The following ANKRD13C variants were observed in gnomAD, a reference collection of about 807,000 sequenced individuals.
ANKRD13C encodes the protein ankyrin repeat domain 13C.
Under a neutral mutation model 65.5 loss-of-function variants are expected in ANKRD13C, and 16 were observed. The ratio of observed to expected loss-of-function variants is 0.24; its 90% CI spans 0.17 to 0.37. The LOEUF is 0.37. ANKRD13C is among the 10% of genes least tolerant of loss of function. The probability of loss-of-function intolerance (pLI) is 1.00; values close to 1 mark genes in which losing one functional copy is unlikely to be tolerated. For synonymous variants in ANKRD13C, 235 were observed against 238.7 expected, an observed-to-expected ratio of 0.98 and a Z score of 0.14; for missense variants, 503 against 655.9, an observed-to-expected ratio of 0.77 and a Z score of 2.55.
rs1241582199 is a variant in ANKRD13C, at chr1:70,325,026, A to G, written c.473-69T>C. The stretch of plus-strand genomic sequence containing the variant: ...TAGAATCTCTAAATATAAATATATA[A>G]AAGTTTAATAAACCAAATTAACATA... On this transcript the variant is annotated intron_variant, in intron 2 of 12. Transcript: ENST00000370944. 2.2e-5 allele frequency: 23 copies of G among 1,036,472 alleles called. No individual in the cohort carries two copies. The East Asian group carries it at 5.5e-4, about 25-fold the overall frequency. The allele number at this position is 1,036,472 out of a possible 1,614,324, so 64.2% of individuals were successfully genotyped here.
chr1:70,273,056 A>G (rs895487438), intron 11 of ANKRD13C, among the ~76,000 whole-genome samples: 1 of 151,920 alleles, frequency 6.6e-6, no homozygotes, highest in Non-Finnish European at 1.5e-5. Context: ...CATCGAGTCA[A>G]CTGGGTCCTA....
intron 9 of ANKRD13C, 173 bp downstream of exon 9, chr1:70,292,214 CA>C (rs1288936923): frequency 6.4e-6 from 3 of 467,386 alleles, no homozygotes; most frequent in Non-Finnish European, 1.1e-5. Flanking sequence ...TCCCAAAAGA[CA>C]TTTTTTTGTC....
chr1:70,318,773 C>T (rs1681180680), intron 3 of ANKRD13C, among the ~76,000 whole-genome samples: 1 of 146,074 alleles, frequency 6.8e-6, no homozygotes. Context: ...ACCTCTGCCT[C>T]TTGGGTTCAA....
In ANKRD13C at chr1:70,327,735, A is replaced by G. The variant is rs111452284; in HGVS notation, c.473-2778T>C. On this transcript the variant is annotated intron_variant, in intron 2 of 12. Coordinates refer to ENST00000370944, the MANE Select transcript of ANKRD13C (RefSeq NM_030816.5). ...GTATTTGGGGGTAAAATGTCATGAT[A>G]TCTACATTTAGTTTTCAAATGGTAT... 2.2e-3 allele frequency among the ~76,000 whole-genome samples: 336 copies of G among 152,292 alleles called. 6 individuals carry two copies. The highest frequency in any genetic ancestry group is 7.8e-3 in the African/African-American group (325 of 41,554).
At chr1:70,307,307 C>A (rs1223615477) in intron 5 of ANKRD13C, among the ~76,000 whole-genome samples, 1 of 152,098 alleles carries the variant, frequency 6.6e-6, no homozygotes, top group Non-Finnish European at 1.5e-5. Flanking sequence ...GAGGCCAAAG[C>A]GGATAAATCG....
At chr1:70,344,584 A>G (rs953386182) in intron 1 of ANKRD13C, among the ~76,000 whole-genome samples, 2 of 152,182 alleles carry the variant, frequency 1.3e-5, no homozygotes, top group African/African-American at 4.8e-5. Flanking sequence ...AATTTGCTCA[A>G]TAATCCTATG....
intron 5 of ANKRD13C, among the ~76,000 whole-genome samples, chr1:70,307,305 A>G (rs1460055996): frequency 6.6e-6 from 1 of 152,266 alleles, no homozygotes; most frequent in East Asian, 1.9e-4. Flanking sequence ...GAGAGGCCAA[A>G]GCGGATAAAT....
intron 1 of ANKRD13C, among the ~76,000 whole-genome samples, chr1:70,342,259 G>A (rs1682341042): frequency 1.3e-5 from 2 of 152,060 alleles, no homozygotes; most frequent in South Asian, 4.1e-4. Flanking sequence ...GAAGAGACAG[G>A]CCTGGAGCAG....
chr1:70,348,768 CATATTACAATGAAA>C (rs1279622324), intron 1 of ANKRD13C, among the ~76,000 whole-genome samples: 1 of 152,042 alleles, frequency 6.6e-6, no homozygotes, highest in African/African-American at 2.4e-5. Context: ...ACTTCAAGAA[CATATTACAATGAAA>C]ATATTACAAG....
intron 1 of ANKRD13C, among the ~76,000 whole-genome samples, chr1:70,347,078 C>T (rs1472220747): frequency 1.8e-5 from 2 of 112,172 alleles, no homozygotes; most frequent in African/African-American, 3.5e-5. Flanking sequence ...GGTGACAGAG[C>T]GAGGCTCCGT....
At chr1:70,329,591 C>T (rs1190369965) in intron 2 of ANKRD13C, among the ~76,000 whole-genome samples, 1 of 151,920 alleles carries the variant, frequency 6.6e-6, no homozygotes, top group Non-Finnish European at 1.5e-5. Flanking sequence ...ACAACAATAG[C>T]TAAAGGAATA....
intron 5 of ANKRD13C, among the ~76,000 whole-genome samples, chr1:70,308,302 A>T (rs755059379): frequency 6.6e-6 from 1 of 152,132 alleles, no homozygotes; most frequent in Admixed American, 6.5e-5. Flanking sequence ...AGCCAACATT[A>T]TATCTTTTGA....
In ANKRD13C at chr1:70,313,803, A is replaced by T; in HGVS notation, c.664-13T>A. The T allele has an allele frequency of 6.3e-7, 1 of 1,597,706 alleles. No individual in the cohort carries two copies. Among genetic ancestry groups the T allele is most frequent in the Non-Finnish European group, 8.6e-7 (1 of 1,165,792 alleles). ...AAAAGTCACCTAGCTGAAAAATGAA[A>T]TATGAATAATTACTAAATGCACCTT... is the stretch of plus-strand genomic sequence containing the variant. On this transcript the variant is annotated splice_polypyrimidine_tract_variant and intron_variant, in intron 4 of 12. Coordinates refer to ENST00000370944, the MANE Select transcript of ANKRD13C (RefSeq NM_030816.5).
At chr1:70,347,477 A>G (rs1294731608) in intron 1 of ANKRD13C, among the ~76,000 whole-genome samples, 1 of 152,236 alleles carries the variant, frequency 6.6e-6, no homozygotes, top group Non-Finnish European at 1.5e-5. Flanking sequence ...CAGGATGCCC[A>G]GGACCCAACA....
chr1:70,293,484 A>G, intron 8 of ANKRD13C: 2 of 897,198 alleles, frequency 2.2e-6, no homozygotes, highest in Middle Eastern at 5.7e-4. Context: ...AACCATAAGT[A>G]TTACTGACTC....
chr1:70,304,267 C>G (rs1159041967), intron 6 of ANKRD13C, among the ~76,000 whole-genome samples: 1 of 146,190 alleles, frequency 6.8e-6, no homozygotes, highest in East Asian at 1.9e-4. Context: ...GTGTTTTAAC[C>G]TTTTTGGTTT....
intron 7 of ANKRD13C, among the ~76,000 whole-genome samples, chr1:70,296,976 G>A (rs1680105290): frequency 6.6e-6 from 1 of 151,974 alleles, no homozygotes; most frequent in Admixed American, 6.6e-5. Flanking sequence ...TTTTATATGA[G>A]AAAAAAGGAA....
rs1182865045 is a variant in ANKRD13C, at chr1:70,353,993, T to C, written c.416A>G (p.Gln139Arg). 1 of 1,532,522 alleles carries C rather than the reference T, an allele frequency of 6.5e-7. No individual in the cohort carries two copies. Among genetic ancestry groups the C allele is most frequent in the Non-Finnish European group, 8.8e-7 (1 of 1,139,406 alleles). 94.9% of individuals were successfully genotyped at this position (1,532,522 alleles called of 1,614,324 possible). The stretch of plus-strand genomic sequence containing the variant: ...GCACTCCTCACCGTGATTATCTTTC[T>C]GCCCGATATTGTGCGTGCGGATGAG... ...SSLIRTHNIGQKDNHGNTPLH... is the reference protein window; with the variant it reads ...SSLIRTHNIGRKDNHGNTPLH... Residue 139 changes from glutamine (Q) to arginine (R), a missense_variant, in exon 1 of 13, where the codon CAG becomes CGG. Gln to Arg is a conservative substitution (Grantham distance 43). Transcript: ENST00000370944.
chr1:70,311,369 G>A (rs575006094), intron 5 of ANKRD13C, among the ~76,000 whole-genome samples: 1 of 152,116 alleles, frequency 6.6e-6, no homozygotes, highest in Admixed American at 6.6e-5. Context: ...CAGCTACTCG[G>A]GAGGCTGAGG....
Sources: gnomAD v4.1 joint callset for allele counts (sites outside exome capture counted in the v4.1 genomes callset) on GRCh38, gnomAD v4.1.1 for gene constraint, MANE v1.5 for transcripts, NCBI Gene and HGNC (gene_info 2026-07-23, HGNC 2026-07-21) for gene names.